PPP1R12C: variants seen among roughly 807,000 people sequenced by gnomAD.
PPP1R12C encodes protein phosphatase 1 regulatory subunit 12C, also known as leukocyte receptor cluster (LRC) encoded novel gene 3.
A neutral mutation model predicts 95.6 loss-of-function variants in PPP1R12C; 48 were observed. That is an observed-to-expected ratio of 0.50 (90% CI 0.40 to 0.64). The LOEUF (loss-of-function observed/expected upper bound fraction) is 0.64. Ranked by LOEUF, PPP1R12C falls within the 30% of genes least tolerant of loss-of-function variation. PPP1R12C has a pLI of 0.00. For synonymous variants in PPP1R12C, 480 were observed against 460.8 expected (o/e 1.04, Z -0.53); for missense variants, 1,057 against 1,083.3 (o/e 0.98, Z 0.34).
chr19:55,113,515 G>C, intron 1 of PPP1R12C: 2 of 1,397,188 alleles, frequency 1.4e-6, no homozygotes, highest in South Asian at 3.0e-5. Context: ...TCCAAAACTT[G>C]GGGGGACAAA....
At position 55,098,846 on chromosome 19, in the gene PPP1R12C, A is replaced by G; in HGVS notation, c.889T>C (p.Cys297Arg). ...DSLTHAGQRP[C>R]DLADEEVLSL... ...AGTACTTCCTCATCGGCCAGGTCACAGGGACGCTGCCCCTGGGTCAGGGGA... is the reference window on the plus strand; with the variant it reads ...AGTACTTCCTCATCGGCCAGGTCACGGGGACGCTGCCCCTGGGTCAGGGGA... The change falls in exon 6 of 22, where the codon TGT (cysteine) becomes CGT (arginine). Residue 297 changes from cysteine to arginine, a missense_variant. Transcript: ENST00000263433. 6.2e-7 allele frequency: 1 copy of G among 1,613,406 alleles called. No individual in the cohort carries two copies. The highest frequency in any genetic ancestry group is 1.1e-5 in the South Asian group (1 of 91,086).
intron 20 of PPP1R12C, 62 bp downstream of exon 20, chr19:55,091,797 C>A: frequency 1.2e-6 from 2 of 1,611,558 alleles, no homozygotes; most frequent in Non-Finnish European, 1.7e-6. Context: ...CTCCCTTGGT[C>A]CAAACTTAGG....
intron 4 of PPP1R12C, among the ~76,000 whole-genome samples, chr19:55,100,251 T>C (rs548258995): frequency 1.3e-5 from 2 of 152,312 alleles, no homozygotes; most frequent in African/African-American, 4.8e-5. Context: ...TATTTATATC[T>C]TAAGCCAGCA....
chr19:55,095,762 CT>C, intron 9 of PPP1R12C, 104 bp downstream of exon 9: 1 of 1,526,622 alleles, frequency 6.6e-7, no homozygotes, highest in Non-Finnish European at 9.1e-7. Context: ...ACTCTGGGAA[CT>C]ATAGTCTTCC....
chr19:55,110,025 G>A (rs186921264), intron 3 of PPP1R12C, among the ~76,000 whole-genome samples: 109 of 152,292 alleles, frequency 7.2e-4, no homozygotes, highest in Non-Finnish European at 1.2e-3. Context: ...TCACCCCACG[G>A]GAGGGAAGAA....
At chr19:55,106,647 G>C (rs567090862) in intron 3 of PPP1R12C, among the ~76,000 whole-genome samples, 59 of 152,304 alleles carry the variant, frequency 3.9e-4, no homozygotes, top group Admixed American at 9.1e-4. Flanking sequence ...GCCAGGGAGG[G>C]TCCCTTCTGC....
At chr19:55,104,199 T>TATATATATATAC (rs34075382) in intron 3 of PPP1R12C, among the ~76,000 whole-genome samples, 47 of 120,034 alleles carry the variant, frequency 3.9e-4, no homozygotes, top group African/African-American at 1.7e-3. Context: ...TATATATATA[T>TATATATATATAC]ACACACACAC....
At position 55,117,374 on chromosome 19, in the gene PPP1R12C, GC is replaced by G; in HGVS notation, c.169del (p.Ala57ArgfsTer13). ...VRFERAAEFL[A>X]ACAGGDLDEA... ...GTCCAGGTCGCCGCCCGCACAGGCC[GC>G]CAGGAACTCGGCGGCGCGCTCGAAG... is the stretch of plus-strand genomic sequence containing the variant. On this transcript the variant is annotated frameshift_variant, in exon 1 of 22. Coordinates refer to ENST00000263433, the MANE Select transcript of PPP1R12C (RefSeq NM_017607.4). LOFTEE classifies it high-confidence loss of function. 9.1e-7 allele frequency: 1 copy of G among 1,102,278 alleles called. No individual in the cohort carries two copies. The highest frequency in any genetic ancestry group is 1.1e-6 in the Non-Finnish European group (1 of 906,682). 68.3% of individuals were successfully genotyped at this position (1,102,278 alleles called of 1,614,324 possible).
At chr19:55,096,706 C>T in intron 6 of PPP1R12C, 2 of 390,720 alleles carry the variant, frequency 5.1e-6, no homozygotes, top group Non-Finnish European at 9.6e-6. Flanking sequence ...GCAGCCGGCA[C>T]TCGCCTCCTC....
At position 55,096,069 on chromosome 19, in the gene PPP1R12C, C is replaced by T; in HGVS notation, c.1135G>A (p.Gly379Arg). The change falls in exon 8 of 22, where the codon GGG becomes AGG. Residue 379 changes from glycine (G) to arginine (R), a missense_variant. Coordinates refer to ENST00000263433, the MANE Select transcript of PPP1R12C (RefSeq NM_017607.4). ...CCCTCACCGGTGGGACCTTCTTCCC[C>T]CTCATCCTCGTCCTGGATGGGGGGC... The part of the protein sequence containing the change: ...GGPPIQDEDE[G>R]EEGPTEPPPA... The T allele has an allele frequency of 6.2e-7, 1 of 1,609,850 alleles. No individual in the cohort carries two copies. The highest frequency in any genetic ancestry group is 8.5e-7 in the Non-Finnish European group (1 of 1,178,834).
chr19:55,093,323 CTCCCTCAG>C, intron 13 of PPP1R12C, 90 bp from the exon 14 acceptor site: 1 of 318,390 alleles, frequency 3.1e-6, no homozygotes, highest in Non-Finnish European at 5.0e-6. Context: ...CCAGCCCCTC[CTCCCTCAG>C]ACCCAGGAGC....
Position 55,101,729 on chromosome 19 carries a change from C to T in PPP1R12C, c.731+1680G>A, listed in dbSNP as rs145559495. 8.2e-3 allele frequency among the ~76,000 whole-genome samples: 1,249 copies of T among 152,294 alleles called. 10 individuals carry two copies. The highest frequency in any genetic ancestry group is 0.012 in the Non-Finnish European group (804 of 68,026). ...CCAACCATTTAGAGTTTCCAGTCCC[C>T]CTTGTCGTAAGGATCAGCTCAGGGA... is the stretch of plus-strand genomic sequence containing the variant. On this transcript the variant is annotated intron_variant, in intron 4 of 21. Coordinates refer to ENST00000263433, the MANE Select transcript of PPP1R12C (RefSeq NM_017607.4).
rs2084867262 is a variant in PPP1R12C, at chr19:55,093,143, C to T, written c.1764+10G>A. ...GCACCACCCCACTCGCCCTCGCTGA[C>T]CCCTCTCACCAGGCTCTGCGCCGGC... On this transcript the variant is annotated intron_variant, in intron 14 of 21. Transcript: ENST00000263433. The T allele has an allele frequency of 1.2e-6, 2 of 1,613,512 alleles. No homozygotes were observed. Among genetic ancestry groups the T allele is most frequent in the African/African-American group, 2.7e-5 (2 of 74,908 alleles).
In PPP1R12C at chr19:55,091,858, C is replaced by T; in HGVS notation, c.2211+1G>A. On this transcript the variant is annotated splice_donor_variant, in intron 20 of 21. Coordinates refer to ENST00000263433, the MANE Select transcript of PPP1R12C (RefSeq NM_017607.4). LOFTEE classifies it high-confidence loss of function. ...CCCCCATCCCCACTGCCCCTACTCA[C>T]GAATCTCTCCAGTTCCAGGAGGGCT... 6.2e-7 allele frequency: 1 copy of T among 1,613,442 alleles called. No individual in the cohort carries two copies. Among genetic ancestry groups the T allele is most frequent in the Non-Finnish European group, 8.5e-7 (1 of 1,180,000 alleles).
At chr19:55,099,167 G>A in intron 4 of PPP1R12C, 72 bp from the exon 5 acceptor site, 1 of 1,435,720 alleles carries the variant, frequency 7.0e-7, no homozygotes, top group Non-Finnish European at 9.2e-7. Flanking sequence ...TCGGCCAGCG[G>A]TTTGGTAACG....
chr19:55,092,582 G>T, intron 17 of PPP1R12C, 38 bp from the exon 18 acceptor site: 2 of 1,560,750 alleles, frequency 1.3e-6, no homozygotes, highest in Non-Finnish European at 1.7e-6. Context: ...GGGCCGGCCC[G>T]GCCCGCACGC....
chr19:55,106,367 C>T (rs1250727207), intron 3 of PPP1R12C, among the ~76,000 whole-genome samples: 2 of 152,216 alleles, frequency 1.3e-5, no homozygotes, highest in Non-Finnish European at 2.9e-5. Context: ...TAGAACAAGG[C>T]AAAGCTGGGG....
At chr19:55,097,771 C>G (rs1371835491) in intron 6 of PPP1R12C, among the ~76,000 whole-genome samples, 1 of 152,234 alleles carries the variant, frequency 6.6e-6, no homozygotes, top group Non-Finnish European at 1.5e-5. Flanking sequence ...GTACTCACGT[C>G]TTCCAGAAAG....
At chr19:55,103,995 C>CAAAAA (rs35207330) in intron 3 of PPP1R12C, among the ~76,000 whole-genome samples, 42 of 118,680 alleles carry the variant, frequency 3.5e-4, no homozygotes, top group African/African-American at 1.3e-3. Flanking sequence ...ACTAAAACTA[C>CAAAAA]AAAAAAAAAA....
Sources: allele counts gnomAD v4.1 joint callset (sites outside exome capture counted in the v4.1 genomes callset), GRCh38; gene constraint gnomAD v4.1.1; transcripts MANE v1.5; gene names NCBI Gene and HGNC (gene_info 2026-07-23, HGNC 2026-07-21).